The following LRTM3 variants were observed in gnomAD, a reference collection of about 807,000 sequenced individuals.
LRTM3 encodes leucine rich repeat transmembrane protein 3.
chr13:102,733,083 TG>T, the LRTM3 span: 792 of 1,551,514 alleles, frequency 5.1e-4, no homozygotes, highest in Non-Finnish European at 6.6e-4. Context: ...GTTGTTTTCT[TG>T]TCCACATCTG....
chr13:102,736,085 A>G, the LRTM3 span: 1 of 1,540,944 alleles, frequency 6.5e-7, no homozygotes, highest in Non-Finnish European at 8.8e-7. Flanking sequence ...GTTTGCTTTT[A>G]GTATTACTTT....
the LRTM3 span, among the ~76,000 whole-genome samples, chr13:102,753,685 C>A: frequency 6.6e-6 from 1 of 152,072 alleles, no homozygotes; most frequent in Non-Finnish European, 1.5e-5. Context: ...GCAGCCCCAG[C>A]AATCTACTAC....
chr13:102,745,112 T>C, the LRTM3 span: 3 of 1,550,620 alleles, frequency 1.9e-6, no homozygotes, highest in Non-Finnish European at 2.6e-6. Flanking sequence ...GACATCTTGT[T>C]TGGTAACAAA....
chr13:102,734,195 G>A, the LRTM3 span: 12 of 1,551,162 alleles, frequency 7.7e-6, no homozygotes, highest in African/African-American at 1.4e-5. Flanking sequence ...CATATCTATC[G>A]TTTTCACTTC....
At chr13:102,755,215 GC>G in the LRTM3 span, among the ~76,000 whole-genome samples, 5 of 150,040 alleles carry the variant, frequency 3.3e-5, no homozygotes, top group African/African-American at 1.2e-4. Flanking sequence ...GCTCCTCTCT[GC>G]CCCCCCAGCT....
chr13:102,758,705 C>T, the LRTM3 span: 1 of 1,542,578 alleles, frequency 6.5e-7, no homozygotes, highest in Non-Finnish European at 8.8e-7. Flanking sequence ...TTCTTACCTC[C>T]TGGACATCTG....
At chr13:102,745,024 T>C in the LRTM3 span, 2 of 1,550,924 alleles carry the variant, frequency 1.3e-6, no homozygotes, top group Non-Finnish European at 1.7e-6. Context: ...TTACTGTACA[T>C]ATTGTGCCAT....
At chr13:102,733,812 T>C in the LRTM3 span, 7 of 1,551,340 alleles carry the variant, frequency 4.5e-6, no homozygotes, top group Non-Finnish European at 6.1e-6. Context: ...ATCATGAAGT[T>C]TGAGGTCAAC....
chr13:102,734,678 A>G, the LRTM3 span: 46 of 1,550,856 alleles, frequency 3.0e-5, no homozygotes, highest in Non-Finnish European at 3.9e-5. Context: ...AGTCTCCCCT[A>G]TGTGTGATAT....
chr13:102,738,429 A>G, the LRTM3 span: 17 of 1,550,880 alleles, frequency 1.1e-5, no homozygotes, highest in South Asian at 2.0e-4. Flanking sequence ...GAAGGAATGG[A>G]AGCGCAGGCA....
chr13:102,738,629 T>A, the LRTM3 span: 3 of 1,550,216 alleles, frequency 1.9e-6, no homozygotes, highest in African/African-American at 4.1e-5. Flanking sequence ...TGAGATATTA[T>A]CAGAAATACA....
the LRTM3 span, chr13:102,743,212 C>G: frequency 1.3e-6 from 2 of 1,550,658 alleles, no homozygotes; most frequent in South Asian, 2.4e-5. Flanking sequence ...AAGTTCTTCT[C>G]TTGTCAATGG....
chr13:102,732,196 C>T, the LRTM3 span: 1 of 1,551,288 alleles, frequency 6.4e-7, no homozygotes, highest in South Asian at 1.2e-5. Context: ...GACAGATTCT[C>T]TTTTCTCTTT....
the LRTM3 span, chr13:102,738,378 C>T: frequency 6.4e-7 from 1 of 1,550,794 alleles, no homozygotes. Flanking sequence ...GTGACATACT[C>T]TGCTTTTTCT....
At chr13:102,733,130 G>C in the LRTM3 span, 1 of 1,551,370 alleles carries the variant, frequency 6.4e-7, no homozygotes, top group Non-Finnish European at 8.7e-7. Flanking sequence ...ACTTTGAAGG[G>C]GAAACTTAGA....
the LRTM3 span, chr13:102,737,249 A>G: frequency 6.4e-7 from 1 of 1,551,000 alleles, no homozygotes; most frequent in African/African-American, 1.4e-5. Flanking sequence ...ATCCACCCCA[A>G]AAGACTTTGT....
the LRTM3 span, chr13:102,739,895 A>G: frequency 1.3e-6 from 2 of 1,550,238 alleles, no homozygotes; most frequent in Non-Finnish European, 1.7e-6. Context: ...GTTCCACTGC[A>G]TTTCTAGTCT....
At chr13:102,743,359 G>C in the LRTM3 span, 1 of 1,550,508 alleles carries the variant, frequency 6.4e-7, no homozygotes, top group African/African-American at 1.4e-5. Flanking sequence ...CTGGAGTGAA[G>C]GAAGTTGTAT....
the LRTM3 span, chr13:102,743,664 C>T: frequency 1.9e-6 from 3 of 1,550,030 alleles, no homozygotes; most frequent in Non-Finnish European, 2.6e-6. Context: ...TCCTCTTCCT[C>T]TGTAATATGA....
Sources: gnomAD v4.1 joint callset for allele counts (sites outside exome capture counted in the v4.1 genomes callset) on GRCh38, gnomAD v4.1.1 for gene constraint, MANE v1.5 for transcripts, NCBI Gene and HGNC (gene_info 2026-07-23, HGNC 2026-07-21) for gene names.